Variants in ARK2N observed in about 807,000 individuals in gnomAD.
ARK2N encodes arkadia (RNF111) N-terminal like PKA signaling regulator 2N, also known as protein ARK2N.
the ARK2N span, among the ~76,000 whole-genome samples, chr18:46,185,665 A>G: frequency 1.3e-5 from 2 of 152,174 alleles, no homozygotes; most frequent in Admixed American, 6.6e-5. Flanking sequence ...TCCAGTCTGC[A>G]TATTCCCTAT....
the ARK2N span, among the ~76,000 whole-genome samples, chr18:46,209,100 A>T: frequency 1.6e-4 from 25 of 152,266 alleles, no homozygotes; most frequent in East Asian, 4.6e-3. Context: ...GTGTGGTCCG[A>T]GATGAAAACT....
At chr18:46,199,397 C>T in the ARK2N span, among the ~76,000 whole-genome samples, 1 of 151,862 alleles carries the variant, frequency 6.6e-6, no homozygotes, top group Admixed American at 6.6e-5. Context: ...TCAGTGCAAC[C>T]TCTGTCTCCT....
chr18:46,178,359 C>G, the ARK2N span, among the ~76,000 whole-genome samples: 2 of 152,224 alleles, frequency 1.3e-5, no homozygotes, highest in Admixed American at 6.5e-5. Context: ...GATGCCCAGG[C>G]TGGAGTGCAA....
chr18:46,264,704 G>A, the ARK2N span: 1 of 151,332 alleles, frequency 6.6e-6, no homozygotes, highest in East Asian at 1.9e-4. Context: ...CACCTGCCCA[G>A]CCTGTTCTTC....
At chr18:46,251,197 G>A in the ARK2N span, among the ~76,000 whole-genome samples, 1 of 152,158 alleles carries the variant, frequency 6.6e-6, no homozygotes, top group African/African-American at 2.4e-5. Context: ...CTGTGATTTT[G>A]TATTCTTCCT....
the ARK2N span, among the ~76,000 whole-genome samples, chr18:46,175,748 G>C: frequency 1.5e-4 from 23 of 152,142 alleles, no homozygotes; most frequent in African/African-American, 5.3e-4. Flanking sequence ...TGATCTGCCC[G>C]CCTTGGCTTC....
At chr18:46,240,106 C>CG in the ARK2N span, 3 of 1,614,038 alleles carry the variant, frequency 1.9e-6, no homozygotes, top group African/African-American at 2.7e-5. Context: ...AGTTCAAGAG[C>CG]ACAGTAATTC....
At chr18:46,187,379 T>C in the ARK2N span, among the ~76,000 whole-genome samples, 1 of 149,844 alleles carries the variant, frequency 6.7e-6, no homozygotes, top group Non-Finnish European at 1.5e-5. Context: ...TCTTGCTCTG[T>C]CACCCGGGCT....
the ARK2N span, among the ~76,000 whole-genome samples, chr18:46,206,377 C>CT: frequency 3.3e-5 from 5 of 152,208 alleles, no homozygotes; most frequent in East Asian, 9.7e-4. Flanking sequence ...TGAGCCACTG[C>CT]TTGGCTGTAC....
At chr18:46,237,388 C>CTT in the ARK2N span, among the ~76,000 whole-genome samples, 91 of 127,948 alleles carry the variant, frequency 7.1e-4, no homozygotes, top group African/African-American at 2.3e-3. Context: ...AGGCCAAGTG[C>CTT]TTTTTTTTTT....
At chr18:46,196,073 C>T in the ARK2N span, among the ~76,000 whole-genome samples, 2 of 151,872 alleles carry the variant, frequency 1.3e-5, no homozygotes, top group Non-Finnish European at 2.9e-5. Context: ...CTCTGCCTCC[C>T]GGGTTCAAGC....
the ARK2N span, among the ~76,000 whole-genome samples, chr18:46,176,280 T>C: frequency 6.7e-6 from 1 of 149,362 alleles, no homozygotes; most frequent in South Asian, 2.1e-4. Flanking sequence ...TTCAGTATTC[T>C]TCTTTCTAAA....
the ARK2N span, chr18:46,174,128 G>C: frequency 6.6e-6 from 1 of 152,650 alleles, no homozygotes; most frequent in Non-Finnish European, 1.5e-5. Flanking sequence ...CGGAGGCGGC[G>C]AGGTTCACTT....
At chr18:46,230,001 A>G in the ARK2N span, among the ~76,000 whole-genome samples, 3 of 152,064 alleles carry the variant, frequency 2.0e-5, no homozygotes, top group Non-Finnish European at 4.4e-5. Flanking sequence ...ATCTTGGCTC[A>G]CTGAACCTCC....
the ARK2N span, among the ~76,000 whole-genome samples, chr18:46,213,018 T>G: frequency 2.2e-5 from 3 of 135,082 alleles, no homozygotes; most frequent in African/African-American, 5.9e-5. Context: ...TTTTTTTTTT[T>G]GGAGACTAAG....
At chr18:46,251,151 G>C in the ARK2N span, among the ~76,000 whole-genome samples, 3 of 152,170 alleles carry the variant, frequency 2.0e-5, no homozygotes, top group Non-Finnish European at 1.5e-5. Context: ...TTGAATTATT[G>C]AATATGGAAA....
chr18:46,266,432 G>A, the ARK2N span: 1 of 152,512 alleles, frequency 6.6e-6, no homozygotes, highest in South Asian at 2.1e-4. Context: ...TGCACTGTTT[G>A]TTTAAAATAA....
At chr18:46,229,904 T>G in the ARK2N span, among the ~76,000 whole-genome samples, 1 of 151,468 alleles carries the variant, frequency 6.6e-6, no homozygotes, top group Non-Finnish European at 1.5e-5. Context: ...ACGCCTCGCC[T>G]TGTGAAGTAG....
At chr18:46,212,913 CTT>C in the ARK2N span, among the ~76,000 whole-genome samples, 1 of 148,490 alleles carries the variant, frequency 6.7e-6, no homozygotes, top group African/African-American at 2.5e-5. Context: ...CAAATTGAGA[CTT>C]TTGATGCTTG....
Sources: gnomAD v4.1 joint callset for allele counts (sites outside exome capture counted in the v4.1 genomes callset) on GRCh38, gnomAD v4.1.1 for gene constraint, MANE v1.5 for transcripts, NCBI Gene and HGNC (gene_info 2026-07-23, HGNC 2026-07-21) for gene names.